Variants in SRGAP3 observed in about 807,000 individuals in gnomAD.
SRGAP3 encodes the protein SLIT-ROBO Rho GTPase activating protein 3.
In SRGAP3, 39 loss-of-function variants were observed where a neutral mutation model predicts 121.1. The observed-to-expected ratio is 0.32, with a 90% CI of 0.25 to 0.42. The LOEUF is 0.42. Ranked by LOEUF, SRGAP3 falls within the 10% of genes least tolerant of loss-of-function variation. The pLI is 1.00. For missense variants in SRGAP3, 1,213 were observed against 1,470.6 expected (o/e 0.82, Z 2.86); for synonymous variants, 601 against 570.0 (o/e 1.05, Z -0.77).
At chr3:9,107,551 C>T (rs1948461571) in intron 2 of SRGAP3, among the ~76,000 whole-genome samples, 1 of 152,166 alleles carries the variant, frequency 6.6e-6, no homozygotes, top group Non-Finnish European at 1.5e-5. Flanking sequence ...TTAGATGATA[C>T]CTCCCTAGAG....
intron 8 of SRGAP3, among the ~76,000 whole-genome samples, chr3:9,055,998 C>A (rs1240538432): frequency 6.6e-6 from 1 of 152,170 alleles, no homozygotes; most frequent in Non-Finnish European, 1.5e-5. Context: ...CTCCCAGGTT[C>A]AAGCAATTCT....
intron 1 of SRGAP3, among the ~76,000 whole-genome samples, chr3:9,161,561 T>A (rs1259319557): frequency 6.6e-6 from 1 of 152,208 alleles, no homozygotes; most frequent in East Asian, 1.9e-4. Context: ...TTGGACTGGC[T>A]CCCTTGGGCA....
At chr3:9,171,837 C>T (rs1017116026) in intron 1 of SRGAP3, among the ~76,000 whole-genome samples, 2 of 151,958 alleles carry the variant, frequency 1.3e-5, no homozygotes, top group Non-Finnish European at 2.9e-5. Flanking sequence ...TGTATTGCCT[C>T]GGTTCTGGGG....
intron 1 of SRGAP3, among the ~76,000 whole-genome samples, chr3:9,201,325 T>C (rs953425673): frequency 4.6e-5 from 7 of 152,116 alleles, no homozygotes; most frequent in African/African-American, 1.7e-4. Flanking sequence ...ACTGACCCAG[T>C]GTTGAAGCCC....
At chr3:9,306,384 C>G (rs1363652166) in intron 3 of SRGAP3, among the ~76,000 whole-genome samples, 1 of 152,074 alleles carries the variant, frequency 6.6e-6, no homozygotes, top group Non-Finnish European at 1.5e-5. Context: ...TCTGATGGTA[C>G]TTTCTTTTGC....
chr3:9,044,771 C>A (rs921256021), intron 10 of SRGAP3, among the ~76,000 whole-genome samples: 1 of 152,172 alleles, frequency 6.6e-6, no homozygotes, highest in African/African-American at 2.4e-5. Flanking sequence ...CACCAGTTGA[C>A]ACTAAGAAGG....
intron 1 of SRGAP3, among the ~76,000 whole-genome samples, chr3:9,189,400 CTATTGTCA>C (rs1173727071): frequency 6.6e-6 from 1 of 152,176 alleles, no homozygotes; most frequent in Non-Finnish European, 1.5e-5. Flanking sequence ...CAGTTTTTAT[CTATTGTCA>C]TATTTAATGG....
intron 3 of SRGAP3, among the ~76,000 whole-genome samples, chr3:9,317,375 G>C (rs1279229029): frequency 2.0e-5 from 3 of 152,168 alleles, no homozygotes; most frequent in East Asian, 3.8e-4. Flanking sequence ...ATTTGGTAAA[G>C]GTTTTTAAGA....
At chr3:9,170,117 TAGA>T (rs1043665963) in intron 1 of SRGAP3, among the ~76,000 whole-genome samples, 2 of 152,176 alleles carry the variant, frequency 1.3e-5, no homozygotes, top group South Asian at 2.1e-4. Flanking sequence ...GATGAAATGA[TAGA>T]AGATTTGATC....
At chr3:9,208,951 G>A (rs1952352974) in intron 1 of SRGAP3, among the ~76,000 whole-genome samples, 1 of 152,216 alleles carries the variant, frequency 6.6e-6, no homozygotes, top group African/African-American at 2.4e-5. Context: ...GGGGCCAGAA[G>A]GCCCCAAAAA....
At chr3:9,348,953 C>A in intron 1 of SRGAP3, 3 of 941,130 alleles carry the variant, frequency 3.2e-6, no homozygotes, top group Non-Finnish European at 5.3e-6. Context: ...AGAAATAGTT[C>A]CCCAGATCAA....
intron 9 of SRGAP3, among the ~76,000 whole-genome samples, chr3:9,047,678 A>G (rs1262813973): frequency 4.6e-5 from 7 of 152,348 alleles, no homozygotes; most frequent in Admixed American, 6.5e-5. Context: ...GGCGGAGGCC[A>G]GGCCCTTGGA....
chr3:9,182,200 A>AAAAAAAAAAC (rs1491306717), intron 1 of SRGAP3, among the ~76,000 whole-genome samples: 13 of 146,398 alleles, frequency 8.9e-5, no homozygotes, highest in Non-Finnish European at 1.7e-4. Context: ...AAAAAAAAAA[A>AAAAAAAAAAC]ACACAAAAAA....
At chr3:9,289,029 C>T (rs991001567) in intron 3 of SRGAP3, among the ~76,000 whole-genome samples, 2 of 151,994 alleles carry the variant, frequency 1.3e-5, no homozygotes, top group East Asian at 1.9e-4. Context: ...CCCAAGTAGC[C>T]GGGACTACAG....
intron 1 of SRGAP3, among the ~76,000 whole-genome samples, chr3:9,230,063 C>T (rs1953141553): frequency 6.6e-6 from 1 of 152,184 alleles, no homozygotes; most frequent in African/African-American, 2.4e-5. Context: ...AATTTAAACC[C>T]AGACTCCAGA....
chr3:9,210,046 C>T (rs1026512558), intron 1 of SRGAP3, among the ~76,000 whole-genome samples: 1 of 147,180 alleles, frequency 6.8e-6, no homozygotes, highest in African/African-American at 2.5e-5. Context: ...GCTAGACACA[C>T]AAAAAAAAAA....
rs930536603 is a variant in SRGAP3 at position 9,218,020 on chromosome 3, A to G, written c.67+30865T>C. On this transcript the variant is annotated intron_variant, in intron 1 of 21. Transcript: ENST00000383836. The surrounding 1 kb of genome is among the most constrained non-coding windows in gnomAD (Gnocchi z 5.3). Reference sequence around the variant, plus strand: ...GCTAACACAACCTTTAAGCCGCATTAACAGGATCAAGGGATGTATTATTAG... The same window carrying G: ...GCTAACACAACCTTTAAGCCGCATTGACAGGATCAAGGGATGTATTATTAG... The G allele has an allele frequency of 6.6e-6, 1 of 152,238 alleles. No homozygotes were observed. Among genetic ancestry groups the G allele is most frequent in the Non-Finnish European group, 1.5e-5 (1 of 68,046 alleles). 9.4% of individuals were successfully genotyped at this position (152,238 alleles called of 1,614,324 possible).
At chr3:9,343,269 A>G (rs1255405375) in intron 1 of SRGAP3, among the ~76,000 whole-genome samples, 1 of 152,188 alleles carries the variant, frequency 6.6e-6, no homozygotes, top group Non-Finnish European at 1.5e-5. Flanking sequence ...TCTTTGAAAG[A>G]CCAATTTTAT....
At chr3:9,068,438 C>T (rs528021248) in intron 4 of SRGAP3, among the ~76,000 whole-genome samples, 1 of 152,278 alleles carries the variant, frequency 6.6e-6, no homozygotes, top group East Asian at 1.9e-4. Context: ...CCCAGACAGC[C>T]TCTAAACTTC....
Sources: gnomAD v4.1 joint callset for allele counts (sites outside exome capture counted in the v4.1 genomes callset) on GRCh38, gnomAD v4.1.1 for gene constraint, Gnocchi (gnomAD v3.1) non-coding constraint, MANE v1.5 for transcripts, NCBI Gene and HGNC (gene_info 2026-07-23, HGNC 2026-07-21) for gene names.